ADGRD1: variants seen among roughly 807,000 people sequenced by gnomAD.
ADGRD1 encodes adhesion G protein-coupled receptor D1, also known as G-protein coupled receptor 133.
ADGRD1 carries 77 observed loss-of-function variants against 113.4 expected under a neutral mutation model. That is an observed-to-expected ratio of 0.68 (90% CI 0.57 to 0.82). The LOEUF (loss-of-function observed/expected upper bound fraction) is 0.82. ADGRD1 is among the 40% of genes least tolerant of loss of function. ADGRD1 has a pLI of 0.00. For synonymous variants in ADGRD1, 474 were observed against 475.0 expected (o/e 1.00, Z 0.03); for missense variants, 1,036 against 1,139.1 (o/e 0.91, Z 1.30).
Position 130,991,038 on chromosome 12 carries a change from C to T in ADGRD1, c.770C>T (p.Thr257Met), listed in dbSNP as rs535355861. 4.8e-5 allele frequency: 77 copies of T among 1,614,058 alleles called. No homozygotes were observed. In the Middle Eastern group the frequency reaches 4.9e-4, roughly 10 times the overall value. ...GGAAAGCATGCTTTATTGTCTTCAA[C>T]GCTGCCAAGCCTCTTCATGACATCC... ...AIGKHALLSS[T>M]LPSLFMTSTA... The change falls in exon 7 of 25, where the codon ACG becomes ATG. Residue 257 changes from threonine to methionine, a missense_variant. By Grantham distance (81) the Thr-to-Met change is moderately conservative (BLOSUM62 -1). Coordinates refer to ENST00000261654, the MANE Select transcript of ADGRD1 (RefSeq NM_198827.5).
intron 13 of ADGRD1, among the ~76,000 whole-genome samples, chr12:131,017,338 A>C (rs1418703736): frequency 7.5e-6 from 1 of 133,392 alleles, no homozygotes; most frequent in Non-Finnish European, 1.6e-5. Context: ...CACACAGTCC[A>C]CACACACCCA....
At position 130,979,815 on chromosome 12, in the gene ADGRD1, T is replaced by TCACACACACA. The variant is rs1491129989; in HGVS notation, c.311-2068_311-2067insACACACACAC. Among the ~76,000 whole-genome samples the TCACACACACA allele has an allele frequency of 2.7e-3, 384 of 139,802 alleles. 3 individuals are homozygous for TCACACACACA. The highest frequency in any genetic ancestry group is 0.011 in the Middle Eastern group (3 of 270). 91.7% of individuals were successfully genotyped at this position (139,802 alleles called of 152,430 possible). A position where few individuals can be genotyped will look rare whatever the true frequency, so the allele number is the denominator to read the frequency against. On this transcript the variant is annotated intron_variant, in intron 4 of 24. Transcript: ENST00000261654. ...GCAGAATCCAGACAGGCAGCTAGTG[T>TCACACACACA]CTCACACACACACACACACACACAC...
intron 13 of ADGRD1, chr12:131,026,705 G>A (rs1378754010): frequency 6.6e-6 from 1 of 152,192 alleles, no homozygotes; most frequent in African/African-American, 2.4e-5. Flanking sequence ...CAGCATCCCT[G>A]GCCTCTACCC....
At chr12:130,990,968 A>G in intron 6 of ADGRD1, 46 bp from the exon 7 acceptor site, 1 of 1,525,246 alleles carries the variant, frequency 6.6e-7, no homozygotes. Context: ...TCGTGGTGAA[A>G]AAAGTGACCA....
intron 12 of ADGRD1, among the ~76,000 whole-genome samples, chr12:131,013,363 T>C (rs182657557): frequency 1.3e-5 from 2 of 152,226 alleles, no homozygotes; most frequent in East Asian, 3.9e-4. Context: ...AGCAATTCCC[T>C]TCTCAATCAG....
chr12:130,981,905 G>C lies in ADGRD1; in HGVS notation c.332G>C (p.Trp111Ser). ...TCAGGGGTCACGTTTTCTTTTTTCT[G>C]GAAGACACAAGGAGAACAGTCTAGA... ...GPEGVTFSFFWKTQGEQSRPI... is the reference protein window; with the variant it reads ...GPEGVTFSFFSKTQGEQSRPI... Residue 111 changes from tryptophan (W) to serine (S), a missense_variant, in exon 5 of 25, where the codon TGG becomes TCG. Physicochemically the swap from Trp to Ser is radical, Grantham distance 177. Coordinates refer to ENST00000261654, the MANE Select transcript of ADGRD1 (RefSeq NM_198827.5). The C allele has an allele frequency of 6.2e-7, 1 of 1,610,782 alleles. No individual in the cohort carries two copies. Among genetic ancestry groups the C allele is most frequent in the Non-Finnish European group, 8.5e-7 (1 of 1,178,268 alleles).
At chr12:131,029,324 C>G (rs995537385) in intron 13 of ADGRD1, among the ~76,000 whole-genome samples, 1 of 152,232 alleles carries the variant, frequency 6.6e-6, no homozygotes, top group Non-Finnish European at 1.5e-5. Context: ...GTGCCTCCCC[C>G]TCCTCTGCTC....
At chr12:131,105,886 G>T in intron 17 of ADGRD1, 21 bp downstream of exon 17, 1 of 1,550,404 alleles carries the variant, frequency 6.4e-7, no homozygotes, top group Non-Finnish European at 8.8e-7. Flanking sequence ...GCAGCTCCGT[G>T]TTCCTGCGCT....
At chr12:131,105,131 T>C (rs936959533) in intron 16 of ADGRD1, among the ~76,000 whole-genome samples, 197 bp downstream of exon 16, 8 of 152,186 alleles carry the variant, frequency 5.3e-5, no homozygotes, top group Non-Finnish European at 4.4e-5. Context: ...GGGATGGCCA[T>C]GGGCCTGGGG....
Position 131,006,065 on chromosome 12 carries a change from T to TCA in ADGRD1, c.1331+19_1331+20dup, listed in dbSNP as rs1877071186. 8 of 1,609,510 alleles carry TCA rather than the reference T, an allele frequency of 5.0e-6. No individual in the cohort carries two copies. The highest frequency in any genetic ancestry group is 6.8e-6 in the Non-Finnish European group (8 of 1,177,360). On this transcript the variant is annotated intron_variant, in intron 12 of 24. Coordinates refer to ENST00000261654, the MANE Select transcript of ADGRD1 (RefSeq NM_198827.5). ...CACACCAAGTGAGTCTCGGGGGTGC[T>TCA]CAGCTCAGGGGCGTGGGTGTGCGTG...
intron 18 of ADGRD1, among the ~76,000 whole-genome samples, chr12:131,109,701 A>T (rs1422285595): frequency 6.6e-6 from 1 of 152,190 alleles, no homozygotes; most frequent in Non-Finnish European, 1.5e-5. Flanking sequence ...AAGAATGTAT[A>T]TTCTGCTGTT....
chr12:130,959,919 C>T (rs1426173646), intron 2 of ADGRD1, among the ~76,000 whole-genome samples: 1 of 152,194 alleles, frequency 6.6e-6, no homozygotes, highest in Non-Finnish European at 1.5e-5. Context: ...TGAGCCACTT[C>T]TCACTTTACA....
In ADGRD1 at chr12:131,131,681, G is replaced by T. The variant is rs753438905; in HGVS notation, c.2176-44G>T. On this transcript the variant is annotated intron_variant, in intron 20 of 24. Coordinates refer to ENST00000261654, the MANE Select transcript of ADGRD1 (RefSeq NM_198827.5). ...AGGCGGACGCAGCTCTCCTGCAGGT[G>T]CAGCCCAGGCCCCCCTCACCTTCCT... 4.3e-6 allele frequency: 6 copies of T among 1,382,082 alleles called. No homozygotes were observed. In the South Asian group the frequency reaches 7.0e-5, roughly 16 times the overall value. The allele number at this position is 1,382,082 out of a possible 1,614,324, so 85.6% of individuals were successfully genotyped here. A position where few individuals can be genotyped will look rare whatever the true frequency, so the allele number is the denominator to read the frequency against.
chr12:131,112,262 T>C lies in ADGRD1; in HGVS notation c.2041+3385T>C, dbSNP rs186210271. Among the ~76,000 whole-genome samples the C allele has an allele frequency of 6.6e-3, 1,006 of 152,282 alleles. 11 individuals carry two copies. The highest frequency in any genetic ancestry group is 0.022 in the African/African-American group (909 of 41,522). On this transcript the variant is annotated intron_variant, in intron 18 of 24. Coordinates refer to ENST00000261654, the MANE Select transcript of ADGRD1 (RefSeq NM_198827.5). ...GCAGGGCTCTCTCTGTCTCTTTCCA[T>C]GGCCTCTCTCTCAAGCTCTCTACTT...
Position 130,954,633 on chromosome 12 carries a change from G to A in ADGRD1, c.76G>A (p.Val26Ile). ...LFYYNFQVRG[V>I]YSRSQDHPGF... ...GGTCTTTTGTGCGCAGGTGCGTGGC[G>A]TCTACTCCAGATCGCAGGACCATCC... Residue 26 changes from valine to isoleucine, a missense_variant, in exon 2 of 25, where the codon GTC becomes ATC. Val to Ile is a conservative substitution (Grantham distance 29). Transcript: ENST00000261654. This position sits in a 1 kb window ranked among gnomAD's most constrained non-coding sequence, Gnocchi z 4.7. 1 of 1,613,698 alleles carries A rather than the reference G, an allele frequency of 6.2e-7. No homozygotes were observed. Among genetic ancestry groups the A allele is most frequent in the East Asian group, 2.2e-5 (1 of 44,874 alleles).
At chr12:131,124,321 A>G (rs1593256455) in intron 20 of ADGRD1, among the ~76,000 whole-genome samples, 2 of 152,378 alleles carry the variant, frequency 1.3e-5, no homozygotes, top group South Asian at 4.1e-4. Context: ...ATGTGAACAT[A>G]TAACTGAATA....
intron 18 of ADGRD1, among the ~76,000 whole-genome samples, chr12:131,110,539 A>G (rs1000116704): frequency 1.3e-5 from 2 of 152,330 alleles, no homozygotes. Context: ...TATAAGGCAC[A>G]ATTCAATAAT....
At chr12:131,071,107 G>T (rs1351766026) in intron 13 of ADGRD1, among the ~76,000 whole-genome samples, 1 of 101,256 alleles carries the variant, frequency 9.9e-6, no homozygotes, top group Non-Finnish European at 2.3e-5. Context: ...TGTACAAGGA[G>T]GTGGGGCTAA....
At chr12:131,004,023 C>CTT (rs56871865) in intron 10 of ADGRD1, among the ~76,000 whole-genome samples, 163 bp from the exon 11 acceptor site, 1,617 of 138,972 alleles carry the variant, frequency 0.012, 38 homozygotes, top group African/African-American at 0.037. Flanking sequence ...TTGCTTTACC[C>CTT]TTTTTTTTTT....
Sources: allele counts gnomAD v4.1 joint callset (sites outside exome capture counted in the v4.1 genomes callset), GRCh38; gene constraint gnomAD v4.1.1; non-coding constraint Gnocchi (gnomAD v3.1); transcripts MANE v1.5; gene names NCBI Gene and HGNC (gene_info 2026-07-23, HGNC 2026-07-21).